The following FLNB variants were observed in gnomAD, a reference collection of about 807,000 sequenced individuals.
FLNB encodes filamin B.
In FLNB, 111 loss-of-function variants were observed where a neutral mutation model predicts 250.6. The observed-to-expected ratio is 0.44, with a 90% CI of 0.38 to 0.52. FLNB has a LOEUF of 0.52. Ranked by LOEUF, FLNB falls within the 20% of genes least tolerant of loss-of-function variation. The pLI, the probability that FLNB is intolerant of heterozygous loss-of-function variation, is 0.00. For missense variants in FLNB, 2,869 were observed against 3,447.8 expected, an observed-to-expected ratio of 0.83 and a Z score of 4.20; for synonymous variants, 1,302 against 1,372.1, an observed-to-expected ratio of 0.95 and a Z score of 1.13.
intron 43 of FLNB, among the ~76,000 whole-genome samples, chr3:58,166,431 A>AT (rs2097370633): frequency 6.6e-6 from 1 of 152,200 alleles, no homozygotes; most frequent in South Asian, 2.1e-4. Flanking sequence ...CTCTACCAAA[A>AT]AAAAAAATTT....
chr3:58,109,418 A>T, intron 14 of FLNB, 96 bp downstream of exon 14: 1 of 1,585,348 alleles, frequency 6.3e-7, no homozygotes, highest in Non-Finnish European at 8.6e-7. Flanking sequence ...AGACATATGG[A>T]AGGAACCCAT....
In FLNB at chr3:58,170,607, C is replaced by T; in HGVS notation, c.7654C>T (p.Pro2552Ser). The T allele has an allele frequency of 1.2e-6, 2 of 1,614,134 alleles. No individual in the cohort carries two copies. Among genetic ancestry groups the T allele is most frequent in the Non-Finnish European group, 1.7e-6 (2 of 1,180,042 alleles). Residue 2552 changes from proline (P) to serine (S), a missense_variant, in exon 46 of 46, where the codon CCC (proline) becomes TCC (serine). This residue lies in a region of FLNB where 1,084 missense variants were observed against 1,315.5 expected (regional missense o/e 0.82). Coordinates refer to ENST00000295956, the MANE Select transcript of FLNB (RefSeq NM_001457.4). Reference sequence around the variant, plus strand: ...CATGCTGCTGATCGGGGTCCATGGGCCCACCACCCCCTGCGAGGAGGTCTC... The same window carrying T: ...CATGCTGCTGATCGGGGTCCATGGGTCCACCACCCCCTGCGAGGAGGTCTC... ...SNMLLIGVHG[P>S]TTPCEEVSMK... is the part of the protein sequence containing the mutation.
At chr3:58,122,218 C>T (rs575427253) in intron 20 of FLNB, among the ~76,000 whole-genome samples, 3 of 148,464 alleles carry the variant, frequency 2.0e-5, no homozygotes, top group East Asian at 2.0e-4. Context: ...CTTGGCTGGG[C>T]GCAGCGGCTC....
At chr3:58,073,258 T>C (rs2097197273) in intron 1 of FLNB, among the ~76,000 whole-genome samples, 1 of 152,192 alleles carries the variant, frequency 6.6e-6, no homozygotes, top group Non-Finnish European at 1.5e-5. Flanking sequence ...TTGTTTGATC[T>C]GGAATTTCTG....
chr3:58,166,695 G>T (rs912613417), intron 43 of FLNB, among the ~76,000 whole-genome samples: 3 of 152,084 alleles, frequency 2.0e-5, no homozygotes, highest in African/African-American at 7.2e-5. Flanking sequence ...GGTGGTGCAT[G>T]CCTGAAGTCC....
At chr3:58,168,772 T>C in intron 44 of FLNB, 114 bp downstream of exon 44, 1 of 794,660 alleles carries the variant, frequency 1.3e-6, no homozygotes, top group Non-Finnish European at 2.2e-6. Flanking sequence ...ACTTTGAACT[T>C]TGAATGTCAG....
chr3:58,009,314 G>T (rs1242917619), intron 1 of FLNB, among the ~76,000 whole-genome samples: 1 of 152,164 alleles, frequency 6.6e-6, no homozygotes, highest in Non-Finnish European at 1.5e-5. Context: ...AGGCCGGGCC[G>T]TGAGACCTGA....
chr3:58,070,072 A>T (rs1180901551), intron 1 of FLNB, among the ~76,000 whole-genome samples: 8 of 141,852 alleles, frequency 5.6e-5, no homozygotes, highest in Non-Finnish European at 9.1e-5. Flanking sequence ...TTTTTGAGAC[A>T]GAGTCTCTTT....
In FLNB at chr3:58,110,101, T is replaced by C. The variant is rs553039252; in HGVS notation, c.2415T>C (p.Asp805=). Residue 805 remains aspartate, a synonymous_variant, in exon 16 of 46, where the codon GAT becomes GAC. Coordinates refer to ENST00000295956, the MANE Select transcript of FLNB (RefSeq NM_001457.4). ...VDFDIIHNAN[D]TFTVKYVPPA... is the part of the protein sequence containing the mutation. ...TTGACATTATTCACAATGCCAATGA[T>C]ACGTTCACAGTCAAATATGTGCCTC... 1.2e-6 allele frequency: 2 copies of C among 1,614,222 alleles called. No individual in the cohort carries two copies. The highest frequency in any genetic ancestry group is 1.7e-5 in the Admixed American group (1 of 60,030).
intron 1 of FLNB, among the ~76,000 whole-genome samples, chr3:58,019,913 A>T (rs1382057852): frequency 6.6e-6 from 1 of 152,100 alleles, no homozygotes; most frequent in African/African-American, 2.4e-5. Flanking sequence ...GACAGTAGGG[A>T]CCAGCTAAAG....
intron 38 of FLNB, among the ~76,000 whole-genome samples, chr3:58,152,205 C>A (rs2097346215): frequency 6.6e-6 from 1 of 152,170 alleles, no homozygotes; most frequent in Non-Finnish European, 1.5e-5. Flanking sequence ...CCACTCATTA[C>A]CCAAATGATC....
chr3:58,169,920 A>G lies in FLNB; in HGVS notation c.7621+127A>G, dbSNP rs1442810498. Reference sequence around the variant, plus strand: ...CCATGTAGGCCAGCCGTTTGCAAGTAACCATCGTCATGACCCTGTTCTCCT... The same window carrying G: ...CCATGTAGGCCAGCCGTTTGCAAGTGACCATCGTCATGACCCTGTTCTCCT... On this transcript the variant is annotated intron_variant, in intron 45 of 45. Coordinates refer to ENST00000295956, the MANE Select transcript of FLNB (RefSeq NM_001457.4). This position sits in a 1 kb window ranked among gnomAD's most constrained non-coding sequence, Gnocchi z 4.8. The G allele has an allele frequency of 1.8e-5, 12 of 655,716 alleles. 1 individual carries two copies. The highest frequency in any genetic ancestry group is 3.2e-5 in the Non-Finnish European group (12 of 369,398). The allele number at this position is 655,716 out of a possible 1,614,324, so 40.6% of individuals were successfully genotyped here. A position where few individuals can be genotyped will look rare whatever the true frequency, so the allele number is the denominator to read the frequency against.
rs560093191 is a variant in FLNB at position 58,084,146 on chromosome 3, C to T, written c.787+2370C>T. The stretch of plus-strand genomic sequence containing the variant: ...GGCGGAGGTTGCAGTGAGCCGAGAT[C>T]GCGCCACTGCACTCCAGCCTGGGTG... On this transcript the variant is annotated intron_variant, in intron 4 of 45. Coordinates refer to ENST00000295956, the MANE Select transcript of FLNB (RefSeq NM_001457.4). Among the ~76,000 whole-genome samples the T allele has an allele frequency of 3.3e-5, 5 of 150,282 alleles. No individual in the cohort carries two copies. The South Asian group carries it at 6.4e-4, about 19-fold the overall frequency.
chr3:58,011,697 T>G (rs1256605244), intron 1 of FLNB, among the ~76,000 whole-genome samples: 1 of 152,212 alleles, frequency 6.6e-6, no homozygotes, highest in East Asian at 1.9e-4. Context: ...TGACACTAGC[T>G]TCAATTTGGG....
chr3:58,159,505 G>A, intron 41 of FLNB, 49 bp from the exon 42 acceptor site: 2 of 1,608,680 alleles, frequency 1.2e-6, no homozygotes, highest in South Asian at 2.2e-5. Context: ...GTGTGCCACT[G>A]AGCAGGAACG....
In FLNB at chr3:58,159,652, C is replaced by G; in HGVS notation, c.6987C>G (p.Ala2329=). The G allele has an allele frequency of 6.2e-7, 1 of 1,613,900 alleles. No homozygotes were observed. The highest frequency in any genetic ancestry group is 8.5e-7 in the Non-Finnish European group (1 of 1,180,002). Residue 2329 remains alanine, a synonymous_variant, in exon 42 of 46, where the codon GCC becomes GCG. Coordinates refer to ENST00000295956, the MANE Select transcript of FLNB (RefSeq NM_001457.4). ...IDAKVHSPSG[A]VEECHVSELE... is the part of the protein sequence containing the mutation. ...CAAAGGTGCACAGCCCCTCTGGAGC[C>G]GTGGAGGAGTGCCACGTGTCTGAGC... is the stretch of plus-strand genomic sequence containing the variant.
intron 9 of FLNB, among the ~76,000 whole-genome samples, chr3:58,103,051 T>C (rs1434176962): frequency 1.3e-5 from 2 of 152,196 alleles, no homozygotes; most frequent in Non-Finnish European, 2.9e-5. Flanking sequence ...AATCTTGAGC[T>C]TCCTGTACCA....
intron 38 of FLNB, chr3:58,152,704 T>G (rs2097347126): frequency 1.5e-6 from 2 of 1,300,664 alleles, no homozygotes; most frequent in South Asian, 2.4e-5. Flanking sequence ...TTTTCTGTCC[T>G]CAGGGGTCAG....
At chr3:58,117,022 C>T (rs2097279298) in intron 18 of FLNB, among the ~76,000 whole-genome samples, 1 of 152,112 alleles carries the variant, frequency 6.6e-6, no homozygotes, top group Non-Finnish European at 1.5e-5. Flanking sequence ...TCTCTCAGTC[C>T]CATCCTCTTC....
Sources: gnomAD v4.1 joint callset for allele counts (sites outside exome capture counted in the v4.1 genomes callset) on GRCh38, gnomAD v4.1.1 for gene constraint, gnomAD v4.1.1 regional missense constraint, Gnocchi (gnomAD v3.1) non-coding constraint, MANE v1.5 for transcripts, NCBI Gene and HGNC (gene_info 2026-07-23, HGNC 2026-07-21) for gene names.